The following PLGRKT variants were observed in gnomAD, a reference collection of about 807,000 sequenced individuals.
PLGRKT encodes the protein plasminogen receptor with a C-terminal lysine.
PLGRKT carries 22 observed loss-of-function variants against 18.5 expected under a neutral mutation model. That is an observed-to-expected ratio of 1.19 (90% CI 0.85 to 1.70). The LOEUF is 1.70. Among genes scored for constraint, PLGRKT ranks in the 40% most tolerant of loss-of-function variants. The pLI is 0.00. For synonymous variants in PLGRKT, 72 were observed against 52.8 expected, an observed-to-expected ratio of 1.36 and a Z score of -1.58; for missense variants, 235 against 174.4, an observed-to-expected ratio of 1.35 and a Z score of -1.96.
chr9:5,404,343 A>C (rs1332667868), intron 3 of PLGRKT, among the ~76,000 whole-genome samples: 3 of 152,214 alleles, frequency 2.0e-5, no homozygotes, highest in African/African-American at 7.2e-5. Flanking sequence ...CTTCAGGCCA[A>C]TATCCCTGAT....
chr9:5,424,411 TTAACATATAATATA>T (rs1563789765), intron 3 of PLGRKT, among the ~76,000 whole-genome samples: 2 of 126,062 alleles, frequency 1.6e-5, no homozygotes, highest in African/African-American at 6.4e-5. Flanking sequence ...ATATTATATA[TTAACATATAATATA>T]TAACATATTA....
intron 3 of PLGRKT, among the ~76,000 whole-genome samples, chr9:5,422,274 C>A (rs1818592938): frequency 6.6e-6 from 1 of 152,126 alleles, no homozygotes; most frequent in African/African-American, 2.4e-5. Flanking sequence ...GACAACCAGA[C>A]CTCATGAGCC....
intron 3 of PLGRKT, among the ~76,000 whole-genome samples, chr9:5,384,561 T>C (rs1817806329): frequency 1.3e-5 from 2 of 152,098 alleles, no homozygotes; most frequent in Non-Finnish European, 2.9e-5. Flanking sequence ...TCTTTTCATA[T>C]CAATACTTAG....
chr9:5,432,563 T>C (rs914702115), intron 2 of PLGRKT, among the ~76,000 whole-genome samples: 6 of 149,080 alleles, frequency 4.0e-5, no homozygotes, highest in Non-Finnish European at 7.4e-5. Flanking sequence ...ACCGCCATGA[T>C]CTCGGCTCGC....
intron 3 of PLGRKT, among the ~76,000 whole-genome samples, chr9:5,419,348 G>T (rs1395211143): frequency 1.3e-5 from 2 of 152,188 alleles, no homozygotes; most frequent in Non-Finnish European, 2.9e-5. Context: ...AGTGGAAATG[G>T]TACGTGTTTG....
At chr9:5,427,023 C>G (rs1024773838) in intron 3 of PLGRKT, among the ~76,000 whole-genome samples, 15 of 152,212 alleles carry the variant, frequency 9.9e-5, no homozygotes, top group African/African-American at 3.6e-4. Context: ...CCCCTCTTAT[C>G]CACAGTTTTA....
intron 3 of PLGRKT, among the ~76,000 whole-genome samples, chr9:5,402,261 G>A (rs750913891): frequency 2.6e-5 from 4 of 151,886 alleles, no homozygotes; most frequent in Admixed American, 6.6e-5. Flanking sequence ...AGAGAAGAAT[G>A]TAATGAAAGA....
chr9:5,428,268 C>G (rs193008040), intron 3 of PLGRKT, among the ~76,000 whole-genome samples: 29 of 152,338 alleles, frequency 1.9e-4, no homozygotes, highest in East Asian at 1.2e-3. Flanking sequence ...GGCTCTCTCC[C>G]TCCAGTCCCC....
intron 3 of PLGRKT, among the ~76,000 whole-genome samples, chr9:5,430,215 C>T (rs1280538432): frequency 9.9e-5 from 15 of 152,152 alleles, no homozygotes; most frequent in African/African-American, 3.6e-4. Context: ...AATAGGCTAA[C>T]ACGTTAGCTT....
chr9:5,407,791 G>C (rs1372288658), intron 3 of PLGRKT, among the ~76,000 whole-genome samples: 2 of 152,136 alleles, frequency 1.3e-5, no homozygotes, highest in African/African-American at 2.4e-5. Flanking sequence ...GAAATAATTG[G>C]CTTAAAAATA....
intron 2 of PLGRKT, among the ~76,000 whole-genome samples, chr9:5,436,000 T>G (rs921660215): frequency 3.3e-5 from 5 of 152,202 alleles, no homozygotes; most frequent in African/African-American, 1.2e-4. Flanking sequence ...GAGCACAGGA[T>G]ACCAAACCAC....
intron 3 of PLGRKT, among the ~76,000 whole-genome samples, chr9:5,371,029 G>T (rs747232750): frequency 4.6e-5 from 7 of 152,116 alleles, no homozygotes; most frequent in African/African-American, 7.2e-5. Flanking sequence ...AAAAGCTGTG[G>T]TAACAGCATC....
chr9:5,393,849 T>C (rs1198517911), intron 3 of PLGRKT, among the ~76,000 whole-genome samples: 1 of 151,938 alleles, frequency 6.6e-6, no homozygotes, highest in Admixed American at 6.6e-5. Flanking sequence ...ATTTCCGTTT[T>C]AAAGATTTTT....
chr9:5,385,543 C>T (rs990563678), intron 3 of PLGRKT, among the ~76,000 whole-genome samples: 1 of 151,784 alleles, frequency 6.6e-6, no homozygotes, highest in Non-Finnish European at 1.5e-5. Context: ...TTTTGATCCC[C>T]TGACCATTTT....
At chr9:5,430,325 C>A (rs967647719) in intron 3 of PLGRKT, among the ~76,000 whole-genome samples, 1 of 152,168 alleles carries the variant, frequency 6.6e-6, no homozygotes, top group African/African-American at 2.4e-5. Flanking sequence ...TTGACAAGGA[C>A]GTGCTAAGCA....
chr9:5,376,717 AAAGC>A (rs1164369146), intron 3 of PLGRKT, among the ~76,000 whole-genome samples: 1 of 152,198 alleles, frequency 6.6e-6, no homozygotes, highest in African/African-American at 2.4e-5. Flanking sequence ...TTAAATGGAA[AAAGC>A]AAGGTACAGA....
intron 3 of PLGRKT, among the ~76,000 whole-genome samples, chr9:5,389,251 C>T (rs991434529): frequency 6.6e-6 from 1 of 151,978 alleles, no homozygotes; most frequent in Admixed American, 6.5e-5. Context: ...TGCTATTAGT[C>T]AGCAGGGGGG....
chr9:5,423,712 T>G (rs1284140709), intron 3 of PLGRKT, among the ~76,000 whole-genome samples: 1 of 151,254 alleles, frequency 6.6e-6, no homozygotes, highest in African/African-American at 2.4e-5. Context: ...TATTTTTCTT[T>G]TTTTTTTGAG....
chr9:5,370,137 T>A (rs1817485569), intron 3 of PLGRKT, among the ~76,000 whole-genome samples: 1 of 152,030 alleles, frequency 6.6e-6, no homozygotes, highest in Non-Finnish European at 1.5e-5. Flanking sequence ...AGCTAGCATA[T>A]CATAGCAGGA....
Sources: allele counts gnomAD v4.1 joint callset (sites outside exome capture counted in the v4.1 genomes callset), GRCh38; gene constraint gnomAD v4.1.1; transcripts MANE v1.5; gene names NCBI Gene and HGNC (gene_info 2026-07-23, HGNC 2026-07-21).